The following PIP4K2A variants were observed in gnomAD, a reference collection of about 807,000 sequenced individuals.
PIP4K2A encodes phosphatidylinositol-5-phosphate 4-kinase type 2 alpha, also known as phosphatidylinositol 5-phosphate 4-kinase type-2 alpha.
PIP4K2A carries 14 observed loss-of-function variants against 42.9 expected under a neutral mutation model. The ratio of observed to expected loss-of-function variants is 0.33; its 90% CI spans 0.22 to 0.51. The LOEUF is 0.51. Ranked by LOEUF, PIP4K2A falls within the 20% of genes least tolerant of loss-of-function variation. The pLI is 0.97. For synonymous variants in PIP4K2A, 192 were observed against 192.2 expected (o/e 1.00, Z 0.01); for missense variants, 434 against 519.8 (o/e 0.83, Z 1.61).
intron 9 of PIP4K2A, among the ~76,000 whole-genome samples, chr10:22,538,703 G>C (rs1836002903): frequency 6.6e-6 from 1 of 152,146 alleles, no homozygotes; most frequent in South Asian, 2.1e-4. Context: ...GACGGAATGG[G>C]GGTGGTGCAC....
chr10:22,563,715 C>T (rs1836766866), intron 6 of PIP4K2A, among the ~76,000 whole-genome samples: 2 of 152,278 alleles, frequency 1.3e-5, no homozygotes, highest in South Asian at 2.1e-4. Context: ...CAAACCCTGG[C>T]GCTGTCACTT....
chr10:22,658,585 C>T (rs1227808949), intron 1 of PIP4K2A, among the ~76,000 whole-genome samples: 1 of 152,190 alleles, frequency 6.6e-6, no homozygotes, highest in African/African-American at 2.4e-5. Flanking sequence ...CTATTCTATA[C>T]CTGCTTTTTT....
At position 22,680,455 on chromosome 10, in the gene PIP4K2A, T is replaced by C. The variant is rs180707135; in HGVS notation, c.144+33728A>G. ...ATCATAAAAATAGCATTTAATGTCTTAGATGAGCCACACGTACCAGGAACT... is the reference window on the plus strand; with the variant it reads ...ATCATAAAAATAGCATTTAATGTCTCAGATGAGCCACACGTACCAGGAACT... On this transcript the variant is annotated intron_variant, in intron 1 of 9. Transcript: ENST00000376573. 3.5e-4 allele frequency among the ~76,000 whole-genome samples: 54 copies of C among 152,326 alleles called. No homozygotes were observed. In the East Asian group the frequency reaches 0.01, roughly 28 times the overall value.
At chr10:22,626,443 T>C (rs1027246044) in intron 1 of PIP4K2A, among the ~76,000 whole-genome samples, 9 of 152,222 alleles carry the variant, frequency 5.9e-5, no homozygotes, top group African/African-American at 2.2e-4. Flanking sequence ...GCAAGTAATA[T>C]TTCAAAGCTA....
intron 1 of PIP4K2A, among the ~76,000 whole-genome samples, chr10:22,635,278 G>A (rs933464196): frequency 6.5e-4 from 99 of 152,228 alleles, no homozygotes; most frequent in African/African-American, 2.1e-3. Context: ...CAGGTTCATC[G>A]AATGTAACAA....
At position 22,664,076 on chromosome 10, in the gene PIP4K2A, C is replaced by CATAT. The variant is rs1564459808; in HGVS notation, c.144+50106_144+50107insATAT. Reference sequence around the variant, plus strand: ...ATGTATATATACATATATATATATACGTATATATATATACATATATATATA... The same window carrying CATAT: ...ATGTATATATACATATATATATATACATATGTATATATATATACATATATATATA... On this transcript the variant is annotated intron_variant, in intron 1 of 9. Coordinates refer to ENST00000376573, the MANE Select transcript of PIP4K2A (RefSeq NM_005028.5). 6.0e-3 allele frequency among the ~76,000 whole-genome samples: 330 copies of CATAT among 54,830 alleles called. 9 individuals are homozygous for CATAT. Among genetic ancestry groups the CATAT allele is most frequent in the Non-Finnish European group, 7.9e-3 (265 of 33,668 alleles). The allele number at this position is 54,830 out of a possible 152,430, so 36.0% of individuals were successfully genotyped here.
At chr10:22,565,638 A>G (rs1053561177) in intron 6 of PIP4K2A, among the ~76,000 whole-genome samples, 3 of 152,212 alleles carry the variant, frequency 2.0e-5, no homozygotes, top group Non-Finnish European at 4.4e-5. Context: ...GGGCACCCTG[A>G]AAAAAGAACA....
chr10:22,705,552 C>T (rs1000056955), intron 1 of PIP4K2A, among the ~76,000 whole-genome samples: 3 of 151,650 alleles, frequency 2.0e-5, no homozygotes, highest in African/African-American at 7.3e-5. Flanking sequence ...TGGCCCCCTC[C>T]CACCAGCCCC....
intron 1 of PIP4K2A, among the ~76,000 whole-genome samples, chr10:22,691,011 G>A (rs913035495): frequency 1.3e-5 from 2 of 152,158 alleles, no homozygotes; most frequent in African/African-American, 2.4e-5. Flanking sequence ...GGTCCCCCAC[G>A]TAACCCCCTA....
chr10:22,672,699 G>A (rs541559122), intron 1 of PIP4K2A, among the ~76,000 whole-genome samples: 4 of 152,220 alleles, frequency 2.6e-5, no homozygotes, highest in South Asian at 2.1e-4. Flanking sequence ...AAGCACAAAC[G>A]CCTGGACAAC....
chr10:22,570,563 T>A (rs958071807), intron 5 of PIP4K2A, among the ~76,000 whole-genome samples: 2 of 152,210 alleles, frequency 1.3e-5, no homozygotes, highest in African/African-American at 4.8e-5. Flanking sequence ...GGGAAGTGGA[T>A]CCAGTGTGTG....
chr10:22,662,560 A>G (rs765682188), intron 1 of PIP4K2A, among the ~76,000 whole-genome samples: 11 of 152,186 alleles, frequency 7.2e-5, no homozygotes, highest in Non-Finnish European at 1.6e-4. Context: ...GCCCTTTAAT[A>G]TACAGGGTAC....
chr10:22,692,515 G>A (rs1839893767), intron 1 of PIP4K2A, among the ~76,000 whole-genome samples: 1 of 152,128 alleles, frequency 6.6e-6, no homozygotes, highest in Non-Finnish European at 1.5e-5. Context: ...AGGGCAGGGT[G>A]GGATGTGATT....
intron 4 of PIP4K2A, among the ~76,000 whole-genome samples, chr10:22,584,417 T>C (rs942906722): frequency 1.3e-5 from 2 of 151,610 alleles, no homozygotes; most frequent in African/African-American, 2.4e-5. Context: ...TGTTTGGAGA[T>C]GGAAAATGGA....
At chr10:22,543,734 G>T (rs997844093) in intron 7 of PIP4K2A, among the ~76,000 whole-genome samples, 1 of 152,220 alleles carries the variant, frequency 6.6e-6, no homozygotes, top group Non-Finnish European at 1.5e-5. Context: ...TTGTGGGGGC[G>T]GCTGCGGGGA....
chr10:22,704,091 G>C (rs1833764528), intron 1 of PIP4K2A, among the ~76,000 whole-genome samples: 1 of 152,174 alleles, frequency 6.6e-6, no homozygotes, highest in East Asian at 1.9e-4. Flanking sequence ...AGGAAAGTTA[G>C]AGCTGAAGTT....
intron 7 of PIP4K2A, among the ~76,000 whole-genome samples, chr10:22,549,383 G>A (rs1015053752): frequency 1.3e-5 from 2 of 148,684 alleles, no homozygotes; most frequent in Admixed American, 1.3e-4. Context: ...GACATAAAAA[G>A]ACAATCTTCC....
chr10:22,674,900 C>T (rs1336729724), intron 1 of PIP4K2A, among the ~76,000 whole-genome samples: 3 of 151,980 alleles, frequency 2.0e-5, no homozygotes, highest in African/African-American at 7.3e-5. Context: ...GAGTTTGAGG[C>T]TGCAGTGAGC....
chr10:22,559,700 G>A (rs556765112), intron 6 of PIP4K2A, among the ~76,000 whole-genome samples: 1 of 152,110 alleles, frequency 6.6e-6, no homozygotes, highest in African/African-American at 2.4e-5. Flanking sequence ...ATCTGGAATA[G>A]AGAAGATTTT....
Sources: gnomAD v4.1 joint callset for allele counts (sites outside exome capture counted in the v4.1 genomes callset) on GRCh38, gnomAD v4.1.1 for gene constraint, MANE v1.5 for transcripts, NCBI Gene and HGNC (gene_info 2026-07-23, HGNC 2026-07-21) for gene names.